The following ZNF407 variants were observed in gnomAD, a reference collection of about 807,000 sequenced individuals.
ZNF407 encodes the protein zinc finger protein 407.
In ZNF407, 17 loss-of-function variants were observed where a neutral mutation model predicts 131.2. The ratio of observed to expected loss-of-function variants is 0.13; its 90% CI spans 0.09 to 0.19. The LOEUF is 0.19. Among genes scored for constraint, ZNF407 ranks in the 10% least tolerant of loss-of-function variants. The pLI, the probability that ZNF407 is intolerant of heterozygous loss-of-function variation, is 1.00. For missense variants in ZNF407, 2,681 were observed against 2,830.6 expected, an observed-to-expected ratio of 0.95 and a Z score of 1.20; for synonymous variants, 1,156 against 1,062.0, an observed-to-expected ratio of 1.09 and a Z score of -1.72.
chr18:74,616,637 T>A (rs1021107100), intron 1 of ZNF407, among the ~76,000 whole-genome samples: 1 of 151,902 alleles, frequency 6.6e-6, no homozygotes, highest in Non-Finnish European at 1.5e-5. Flanking sequence ...AGAAAATGTT[T>A]CTAGGACACC....
chr18:74,834,674 AG>A lies in ZNF407; in HGVS notation c.4878-42522del, dbSNP rs375978727. 3.9e-4 allele frequency among the ~76,000 whole-genome samples: 60 copies of A among 152,342 alleles called. No homozygotes were observed. The East Asian group carries it at 8.1e-3, about 21-fold the overall frequency. On this transcript the variant is annotated intron_variant, in intron 4 of 8. Coordinates refer to ENST00000299687, the MANE Select transcript of ZNF407 (RefSeq NM_017757.3). The stretch of plus-strand genomic sequence containing the variant: ...ATATTTGATGACCTCTACACCCACC[AG>A]AAAGTGGCAATCCTTCCTTCCCGCA...
intron 8 of ZNF407, among the ~76,000 whole-genome samples, chr18:74,936,857 T>C (rs941231827): frequency 6.6e-6 from 1 of 152,208 alleles, no homozygotes; most frequent in Non-Finnish European, 1.5e-5. Flanking sequence ...TGAATCATCA[T>C]TGAAAAGCTG....
chr18:75,038,556 T>C (rs1350068041), intron 8 of ZNF407, among the ~76,000 whole-genome samples: 1 of 152,114 alleles, frequency 6.6e-6, no homozygotes, highest in Non-Finnish European at 1.5e-5. Flanking sequence ...TATCTAGCAA[T>C]TATTAAGTGT....
chr18:74,825,340 A>C (rs2145109090), intron 4 of ZNF407, among the ~76,000 whole-genome samples: 1 of 152,266 alleles, frequency 6.6e-6, no homozygotes, highest in East Asian at 1.9e-4. Flanking sequence ...AGTTCTGGCC[A>C]TGGCAATCAG....
At position 74,702,892 on chromosome 18, in the gene ZNF407, A is replaced by G. The variant is rs552394685; in HGVS notation, c.4802+61770A>G. On this transcript the variant is annotated intron_variant, in intron 3 of 8. Transcript: ENST00000299687. ...TATTTTAAATGCATGGGAAGAGGAGATATTTGGAACACAGGGCAAGAACAA... is the reference window on the plus strand; with the variant it reads ...TATTTTAAATGCATGGGAAGAGGAGGTATTTGGAACACAGGGCAAGAACAA... 3.9e-5 allele frequency among the ~76,000 whole-genome samples: 6 copies of G among 152,242 alleles called. No individual in the cohort carries two copies. In the East Asian group the frequency reaches 1.2e-3, roughly 29 times the overall value.
intron 3 of ZNF407, among the ~76,000 whole-genome samples, chr18:74,706,940 CTTTTTTTT>C (rs34700805): frequency 3.0e-4 from 40 of 132,358 alleles, no homozygotes; most frequent in African/African-American, 1.0e-3. Context: ...AAGACAGCAG[CTTTTTTTT>C]TTTTTTTTTT....
intron 7 of ZNF407, chr18:74,905,431 G>A (rs1971582986): frequency 6.6e-6 from 1 of 152,390 alleles, no homozygotes. Flanking sequence ...AGAGGCACAC[G>A]AGAGCCGGTT....
chr18:74,853,523 T>C (rs1970818092), intron 4 of ZNF407, among the ~76,000 whole-genome samples: 1 of 152,190 alleles, frequency 6.6e-6, no homozygotes, highest in African/African-American at 2.4e-5. Context: ...AGATTTTGGT[T>C]TGTAATTGAA....
chr18:75,059,164 A>C (rs1354413066), intron 8 of ZNF407, among the ~76,000 whole-genome samples: 1 of 152,172 alleles, frequency 6.6e-6, no homozygotes, highest in Non-Finnish European at 1.5e-5. Flanking sequence ...GGCTTAACCC[A>C]CCTCTGGATT....
chr18:75,030,453 G>A (rs1407751183), intron 8 of ZNF407, among the ~76,000 whole-genome samples: 2 of 152,114 alleles, frequency 1.3e-5, no homozygotes, highest in Admixed American at 6.5e-5. Context: ...GTGAATTGTT[G>A]GAGAAATGAA....
At chr18:74,881,005 G>T in intron 5 of ZNF407, 31 bp from the exon 6 acceptor site, 7 of 1,566,816 alleles carry the variant, frequency 4.5e-6, no homozygotes, top group South Asian at 1.2e-5. Context: ...TGTGACCTCC[G>T]CAGTCCCTCA....
At chr18:74,720,107 A>C (rs1967994038) in intron 3 of ZNF407, among the ~76,000 whole-genome samples, 1 of 151,808 alleles carries the variant, frequency 6.6e-6, no homozygotes, top group Non-Finnish European at 1.5e-5. Context: ...TGGTTGTATT[A>C]GTTTATGTTT....
intron 3 of ZNF407, among the ~76,000 whole-genome samples, chr18:74,748,462 A>G (rs566161281): frequency 3.9e-5 from 6 of 152,256 alleles, no homozygotes; most frequent in South Asian, 4.1e-4. Flanking sequence ...TAGCTGACAT[A>G]TCATTGCTGC....
At chr18:74,782,093 A>G (rs1313877777) in intron 4 of ZNF407, among the ~76,000 whole-genome samples, 1 of 152,228 alleles carries the variant, frequency 6.6e-6, no homozygotes, top group Non-Finnish European at 1.5e-5. Context: ...TAGCAGTGTC[A>G]GCTACCAGGT....
chr18:74,886,857 G>T (rs1470532742), intron 6 of ZNF407, among the ~76,000 whole-genome samples: 1 of 152,182 alleles, frequency 6.6e-6, no homozygotes, highest in Non-Finnish European at 1.5e-5. Context: ...AAGTTTTTGT[G>T]TATCAATTAT....
chr18:74,947,364 C>T lies in ZNF407; in HGVS notation c.5428+26672C>T, dbSNP rs550957888. Among the ~76,000 whole-genome samples the T allele has an allele frequency of 4.6e-5, 7 of 152,250 alleles. No homozygotes were observed. The East Asian group carries it at 1.3e-3, about 29-fold the overall frequency. ...CCCAAGTTCATGATGTTTTCCATGC[C>T]ACCTTCAGCTGAGCTGCTTCTTACT... is the stretch of plus-strand genomic sequence containing the variant. On this transcript the variant is annotated intron_variant, in intron 8 of 8. Transcript: ENST00000299687.
intron 8 of ZNF407, among the ~76,000 whole-genome samples, chr18:74,932,183 T>A (rs1412773675): frequency 6.6e-6 from 1 of 152,250 alleles, no homozygotes; most frequent in Non-Finnish European, 1.5e-5. Context: ...TACATTTAGT[T>A]CTGTGATCCA....
At chr18:74,821,820 G>T (rs1232139688) in intron 4 of ZNF407, among the ~76,000 whole-genome samples, 5 of 152,132 alleles carry the variant, frequency 3.3e-5, no homozygotes, top group Non-Finnish European at 7.4e-5. Flanking sequence ...GGTATTTCTA[G>T]TACTAGATCC....
chr18:74,886,106 CT>C (rs1971305018), intron 6 of ZNF407, among the ~76,000 whole-genome samples: 1 of 152,142 alleles, frequency 6.6e-6, no homozygotes, highest in African/African-American at 2.4e-5. Flanking sequence ...ATGTAAAGAA[CT>C]TTCCAAACAT....
Sources: allele counts gnomAD v4.1 joint callset (sites outside exome capture counted in the v4.1 genomes callset), GRCh38; gene constraint gnomAD v4.1.1; transcripts MANE v1.5; gene names NCBI Gene and HGNC (gene_info 2026-07-23, HGNC 2026-07-21).